MAD1L1: variants seen among roughly 807,000 people sequenced by gnomAD.
MAD1L1 encodes the protein mitotic arrest deficient 1 like 1.
A neutral mutation model predicts 96.9 loss-of-function variants in MAD1L1; 95 were observed. The observed-to-expected ratio is 0.98, with a 90% CI of 0.83 to 1.16. MAD1L1 has a LOEUF of 1.16. MAD1L1 is among the 50% of genes most tolerant of loss of function. MAD1L1 has a pLI of 0.00. For missense variants in MAD1L1, 1,007 were observed against 954.4 expected (o/e 1.06, Z -0.73); for synonymous variants, 473 against 396.6 (o/e 1.19, Z -2.29).
intron 11 of MAD1L1, among the ~76,000 whole-genome samples, chr7:2,081,656 T>C (rs1309693227): frequency 6.6e-6 from 1 of 152,184 alleles, no homozygotes; most frequent in Non-Finnish European, 1.5e-5. Flanking sequence ...CCGGGCTCTG[T>C]CCTCCACACA....
intron 17 of MAD1L1, among the ~76,000 whole-genome samples, chr7:1,934,931 G>GGGCA (rs1778498800): frequency 6.6e-6 from 1 of 150,678 alleles, no homozygotes; most frequent in Non-Finnish European, 1.5e-5. Context: ...ACAGACGGGT[G>GGGCA]AACCCGAGAC....
chr7:2,085,616 T>A (rs548143047), intron 11 of MAD1L1, among the ~76,000 whole-genome samples: 1 of 152,018 alleles, frequency 6.6e-6, no homozygotes, highest in Non-Finnish European at 1.5e-5. Flanking sequence ...TGACTTGGCA[T>A]CATGTCTTCA....
intron 17 of MAD1L1, among the ~76,000 whole-genome samples, chr7:1,902,559 G>A (rs752382679): frequency 5.3e-5 from 8 of 152,226 alleles, no homozygotes; most frequent in South Asian, 2.1e-4. Context: ...TAAAGGTACC[G>A]ACGGATCTTA....
At chr7:1,875,159 C>G (rs1036264480) in intron 18 of MAD1L1, among the ~76,000 whole-genome samples, 4 of 152,192 alleles carry the variant, frequency 2.6e-5, no homozygotes, top group Non-Finnish European at 4.4e-5. Context: ...CCAGAGCCCC[C>G]CACAGGGGCC....
chr7:1,907,039 C>G (rs899416363), intron 17 of MAD1L1, among the ~76,000 whole-genome samples: 4 of 152,164 alleles, frequency 2.6e-5, no homozygotes, highest in Admixed American at 2.6e-4. Context: ...AGCCCCCAAC[C>G]CCATCCCTGC....
chr7:1,951,809 G>A (rs1260236795), intron 16 of MAD1L1, among the ~76,000 whole-genome samples: 6 of 152,184 alleles, frequency 3.9e-5, no homozygotes, highest in South Asian at 2.1e-4. Context: ...TCCACCGTAT[G>A]GAAGGACCAC....
chr7:1,919,180 C>T (rs1788618345), intron 17 of MAD1L1, among the ~76,000 whole-genome samples: 1 of 152,232 alleles, frequency 6.6e-6, no homozygotes, highest in South Asian at 2.1e-4. Flanking sequence ...CCGGTGGTCC[C>T]GTTTCTCAAA....
chr7:1,825,479 G>A (rs920551924), intron 18 of MAD1L1, among the ~76,000 whole-genome samples: 1 of 152,264 alleles, frequency 6.6e-6, no homozygotes, highest in African/African-American at 2.4e-5. Context: ...GGCCACAGCA[G>A]AGTCCGCTGA....
At chr7:1,841,026 A>G (rs1354825750) in intron 18 of MAD1L1, among the ~76,000 whole-genome samples, 3 of 152,102 alleles carry the variant, frequency 2.0e-5, no homozygotes, top group Admixed American at 2.0e-4. Context: ...ACAGCTCTCC[A>G]CTGCCGGCGG....
intron 11 of MAD1L1, among the ~76,000 whole-genome samples, chr7:2,074,039 T>C (rs964480031): frequency 1.3e-5 from 2 of 152,084 alleles, no homozygotes; most frequent in Non-Finnish European, 2.9e-5. Flanking sequence ...CACTGTGGAA[T>C]GCTCGCCAAG....
chr7:2,214,802 G>A (rs1040700281), intron 9 of MAD1L1, among the ~76,000 whole-genome samples: 8 of 152,274 alleles, frequency 5.3e-5, no homozygotes, highest in South Asian at 2.1e-4. Flanking sequence ...ACCAACTGCC[G>A]CGGTGAAGAC....
At chr7:2,057,062 G>A (rs1466851524) in intron 12 of MAD1L1, among the ~76,000 whole-genome samples, 1 of 152,186 alleles carries the variant, frequency 6.6e-6, no homozygotes, top group Non-Finnish European at 1.5e-5. Context: ...TGACACACGA[G>A]CCCTAAAGCG....
intron 18 of MAD1L1, among the ~76,000 whole-genome samples, chr7:1,894,071 C>G (rs1786717441): frequency 6.6e-6 from 1 of 152,224 alleles, no homozygotes; most frequent in Admixed American, 6.5e-5. Flanking sequence ...GGGCGTGGAG[C>G]TGCTGCGAAC....
At chr7:2,000,476 C>T (rs139680587) in intron 14 of MAD1L1, among the ~76,000 whole-genome samples, 99 of 152,340 alleles carry the variant, frequency 6.5e-4, no homozygotes, top group African/African-American at 2.3e-3. Flanking sequence ...CCAACCACCG[C>T]GGACCCCGCT....
At chr7:2,216,679 G>T (rs537435998) in intron 7 of MAD1L1, among the ~76,000 whole-genome samples, 1 of 152,302 alleles carries the variant, frequency 6.6e-6, no homozygotes, top group South Asian at 2.1e-4. Context: ...ACCAGGGTAG[G>T]CTGTGTGTGT....
chr7:1,876,538 G>A (rs1164797183), intron 18 of MAD1L1, among the ~76,000 whole-genome samples: 1 of 152,092 alleles, frequency 6.6e-6, no homozygotes. Context: ...CGATACCTTG[G>A]ATTTGCTTCA....
intron 10 of MAD1L1, 100 bp from the exon 11 acceptor site, chr7:2,149,338 T>C: frequency 1.1e-6 from 1 of 912,916 alleles, no homozygotes. Flanking sequence ...CTGTAGCTGA[T>C]GCTCTGGGAC....
At chr7:1,899,195 G>C (rs555442215) in intron 17 of MAD1L1, among the ~76,000 whole-genome samples, 22 of 152,354 alleles carry the variant, frequency 1.4e-4, no homozygotes, top group African/African-American at 4.8e-4. Context: ...GCCATCAGGA[G>C]GATAACAGCG....
intron 16 of MAD1L1, among the ~76,000 whole-genome samples, chr7:1,948,436 C>T (rs959693633): frequency 3.3e-5 from 5 of 152,210 alleles, no homozygotes; most frequent in East Asian, 1.9e-4. Flanking sequence ...CAGCAGGACA[C>T]GCCCTGTGAG....
Sources: allele counts gnomAD v4.1 joint callset (sites outside exome capture counted in the v4.1 genomes callset), GRCh38; gene constraint gnomAD v4.1.1; transcripts MANE v1.5; gene names NCBI Gene and HGNC (gene_info 2026-07-23, HGNC 2026-07-21).